Variants in FGGY observed in about 807,000 individuals in gnomAD.
FGGY encodes the protein FGGY carbohydrate kinase domain containing.
FGGY carries 72 observed loss-of-function variants against 71.3 expected under a neutral mutation model. That is an observed-to-expected ratio of 1.01 (90% CI 0.84 to 1.23). The LOEUF is 1.23. FGGY is among the 50% of genes most tolerant of loss of function. The pLI is 0.00. For missense variants in FGGY, 668 were observed against 682.3 expected, an observed-to-expected ratio of 0.98 and a Z score of 0.23; for synonymous variants, 251 against 250.3, an observed-to-expected ratio of 1.00 and a Z score of -0.02.
intron 14 of FGGY, among the ~76,000 whole-genome samples, chr1:59,741,667 G>T (rs551762442): frequency 3.4e-4 from 52 of 152,106 alleles, no homozygotes; most frequent in Non-Finnish European, 6.9e-4. Context: ...ATTGCCAGGC[G>T]GGCGAGGCGC....
At chr1:59,591,631 A>G (rs1163063707) in intron 8 of FGGY, among the ~76,000 whole-genome samples, 1 of 152,068 alleles carries the variant, frequency 6.6e-6, no homozygotes, top group Non-Finnish European at 1.5e-5. Context: ...CAGAAATAAC[A>G]CCGCATATCT....
At chr1:59,314,881 C>T (rs1463638092) in intron 1 of FGGY, among the ~76,000 whole-genome samples, 4 of 152,192 alleles carry the variant, frequency 2.6e-5, no homozygotes, top group Non-Finnish European at 4.4e-5. Flanking sequence ...TTCTGCACTC[C>T]GTCTTGGAGC....
intron 5 of FGGY, among the ~76,000 whole-genome samples, chr1:59,413,468 C>T (rs1571845242): frequency 6.6e-6 from 1 of 152,072 alleles, no homozygotes; most frequent in African/African-American, 2.4e-5. Flanking sequence ...GACCTTAAGG[C>T]GTTGTCTTGT....
chr1:59,343,061 G>C (rs1043256557), intron 3 of FGGY, among the ~76,000 whole-genome samples: 1 of 152,050 alleles, frequency 6.6e-6, no homozygotes, highest in Non-Finnish European at 1.5e-5. Flanking sequence ...GGAGCTCTTG[G>C]GAGGGAGAGG....
chr1:59,471,191 T>G (rs1045083004), intron 6 of FGGY, among the ~76,000 whole-genome samples: 20 of 125,386 alleles, frequency 1.6e-4, no homozygotes, highest in African/African-American at 5.7e-4. Context: ...CTCTTGATAG[T>G]GAAGGAGTTC....
chr1:59,482,570 A>G (rs199648232), intron 6 of FGGY, among the ~76,000 whole-genome samples: 21 of 148,044 alleles, frequency 1.4e-4, no homozygotes, highest in East Asian at 5.9e-4. Context: ...GTGTATATAT[A>G]TGTGTGTGTG....
At chr1:59,428,277 T>TTATATATA (rs150799546) in intron 5 of FGGY, among the ~76,000 whole-genome samples, 2 of 151,946 alleles carry the variant, frequency 1.3e-5, no homozygotes, top group African/African-American at 2.4e-5. Context: ...CATATGTATA[T>TTATATATA]TATATCACTT....
intron 6 of FGGY, among the ~76,000 whole-genome samples, chr1:59,500,214 C>T (rs1478848390): frequency 6.6e-6 from 1 of 152,184 alleles, no homozygotes; most frequent in Admixed American, 6.5e-5. Flanking sequence ...GCAAAGGTTT[C>T]AGACATATCC....
rs547264176 is a variant in FGGY at position 59,654,968 on chromosome 1, T to TC, written c.1222-5245dup. On this transcript the variant is annotated intron_variant, in intron 11 of 15. Transcript: ENST00000303721. ...CTTCCTCAAGGAGTTCTTGCAAGAG[T>TC]CCCCCCACTCTGTGTCCCTGGGCAC... Among the ~76,000 whole-genome samples, 21 of 151,808 alleles carry TC rather than the reference T, an allele frequency of 1.4e-4. No homozygotes were observed. The South Asian group carries it at 4.0e-3, about 29-fold the overall frequency.
intron 5 of FGGY, among the ~76,000 whole-genome samples, chr1:59,399,625 C>T (rs2061706102): frequency 6.6e-6 from 1 of 152,192 alleles, no homozygotes; most frequent in Non-Finnish European, 1.5e-5. Flanking sequence ...AAGTATCTAG[C>T]ACTTACTGTG....
At chr1:59,369,352 G>C (rs1414539497) in intron 4 of FGGY, among the ~76,000 whole-genome samples, 2 of 152,228 alleles carry the variant, frequency 1.3e-5, no homozygotes, top group Admixed American at 6.5e-5. Context: ...CGGCAGCGAG[G>C]CTGGGGGAGG....
At position 59,353,193 on chromosome 1, in the gene FGGY, C is replaced by G. The variant is rs2053628716; in HGVS notation, c.465+6795C>G. Among the ~76,000 whole-genome samples, 5 of 152,138 alleles carry G rather than the reference C, an allele frequency of 3.3e-5. No individual in the cohort carries two copies. The South Asian group carries it at 1.0e-3, about 32-fold the overall frequency. ...AGCTATAAAATGAGGACAATAGTAT[C>G]AGTCTTGTAGAGTTATGAGTTAGTG... On this transcript the variant is annotated intron_variant, in intron 4 of 15. Transcript: ENST00000303721.
chr1:59,680,239 T>C (rs1029356558), intron 14 of FGGY, among the ~76,000 whole-genome samples: 3 of 152,128 alleles, frequency 2.0e-5, no homozygotes, highest in African/African-American at 7.2e-5. Flanking sequence ...CATGTGTTTC[T>C]GGATGAGATT....
chr1:59,614,177 C>T (rs2096723399), intron 9 of FGGY, among the ~76,000 whole-genome samples: 1 of 152,146 alleles, frequency 6.6e-6, no homozygotes, highest in African/African-American at 2.4e-5. Flanking sequence ...ATACCAAAGC[C>T]TGGCAGAGAC....
intron 5 of FGGY, among the ~76,000 whole-genome samples, chr1:59,390,300 T>C (rs960518679): frequency 1.3e-5 from 2 of 152,186 alleles, no homozygotes; most frequent in African/African-American, 4.8e-5. Flanking sequence ...GGCTCATTCT[T>C]TCCTGTGAAT....
Position 59,641,202 on chromosome 1 carries a change from C to T in FGGY, c.1221+2827C>T, listed in dbSNP as rs1572494307. ...TGTCTACAATTTTGGCTCCTTGTATCATTGTCTAACCAATGATAGATTGCC... is the reference window on the plus strand; with the variant it reads ...TGTCTACAATTTTGGCTCCTTGTATTATTGTCTAACCAATGATAGATTGCC... On this transcript the variant is annotated intron_variant, in intron 11 of 15. Transcript: ENST00000303721. The T allele has an allele frequency of 3.5e-6, 4 of 1,145,616 alleles. No homozygotes were observed. In the East Asian group the frequency reaches 1.0e-4, roughly 29 times the overall value. 71.0% of individuals were successfully genotyped at this position (1,145,616 alleles called of 1,614,324 possible).
At chr1:59,611,259 C>T (rs6696809) in intron 9 of FGGY, among the ~76,000 whole-genome samples, 88,141 of 152,020 alleles carry the variant, frequency 0.58, 28,210 homozygotes, top group Middle Eastern at 0.77. Context: ...TGGGAGACAC[C>T]TCCCAGTAGG....
At chr1:59,721,100 T>C (rs568409566) in intron 14 of FGGY, among the ~76,000 whole-genome samples, 1 of 152,238 alleles carries the variant, frequency 6.6e-6, no homozygotes, top group South Asian at 2.1e-4. Flanking sequence ...CCATTCCTAG[T>C]CACCCTATAC....
intron 5 of FGGY, among the ~76,000 whole-genome samples, chr1:59,384,354 C>T (rs560047462): frequency 2.6e-5 from 4 of 152,236 alleles, no homozygotes; most frequent in Non-Finnish European, 5.9e-5. Context: ...TTTCCCTTGG[C>T]CCACTTACAG....
Sources: allele counts gnomAD v4.1 joint callset (sites outside exome capture counted in the v4.1 genomes callset), GRCh38; gene constraint gnomAD v4.1.1; transcripts MANE v1.5; gene names NCBI Gene and HGNC (gene_info 2026-07-23, HGNC 2026-07-21).